FRMD4A: variants seen among roughly 807,000 people sequenced by gnomAD.
FRMD4A encodes FERM domain-containing protein 4A.
FRMD4A carries 29 observed loss-of-function variants against 129.1 expected under a neutral mutation model. That is an observed-to-expected ratio of 0.22 (90% CI 0.17 to 0.31). The LOEUF is 0.31. Among genes scored for constraint, FRMD4A ranks in the 10% least tolerant of loss-of-function variants. FRMD4A has a pLI of 1.00. For missense variants in FRMD4A, 1,272 were observed against 1,375.8 expected, an observed-to-expected ratio of 0.92 and a Z score of 1.19; for synonymous variants, 634 against 571.6, an observed-to-expected ratio of 1.11 and a Z score of -1.56.
At chr10:14,279,877 G>C (rs1471613046) in intron 2 of FRMD4A, among the ~76,000 whole-genome samples, 3 of 152,166 alleles carry the variant, frequency 2.0e-5, no homozygotes, top group African/African-American at 4.8e-5. Flanking sequence ...CAAGCCTATG[G>C]TCATAACCAC....
chr10:13,708,198 T>G (rs1045881744), intron 12 of FRMD4A, among the ~76,000 whole-genome samples: 2 of 152,212 alleles, frequency 1.3e-5, no homozygotes, highest in Non-Finnish European at 2.9e-5. Flanking sequence ...AGTTAAATGC[T>G]TTTCAGGGTC....
At chr10:14,294,361 A>G (rs1845942584) in intron 2 of FRMD4A, among the ~76,000 whole-genome samples, 2 of 152,250 alleles carry the variant, frequency 1.3e-5, no homozygotes, top group African/African-American at 4.8e-5. Context: ...CTAATAAAAA[A>G]GAAACAGGTA....
At chr10:14,301,692 A>G (rs1846191112) in intron 2 of FRMD4A, among the ~76,000 whole-genome samples, 1 of 152,158 alleles carries the variant, frequency 6.6e-6, no homozygotes, top group African/African-American at 2.4e-5. Flanking sequence ...TTCCATATAT[A>G]GTTCTTCTTT....
intron 4 of FRMD4A, among the ~76,000 whole-genome samples, chr10:13,805,529 T>A (rs2093344004): frequency 6.6e-6 from 1 of 152,140 alleles, no homozygotes; most frequent in African/African-American, 2.4e-5. Flanking sequence ...GAGATTCAAA[T>A]TAAAATTTAA....
chr10:14,234,511 G>A (rs2131992894), intron 2 of FRMD4A, among the ~76,000 whole-genome samples: 1 of 152,294 alleles, frequency 6.6e-6, no homozygotes, highest in South Asian at 2.1e-4. Flanking sequence ...GTTACTCTGG[G>A]CTGCCAGATA....
rs12261601 is a variant in FRMD4A, at chr10:13,701,264, C to T, written c.975+76G>A. On this transcript the variant is annotated intron_variant, in intron 14 of 24. Coordinates refer to ENST00000357447, the MANE Select transcript of FRMD4A (RefSeq NM_018027.5). ...CGGGCAAGGGACATGGCGCCTCCCC[C>T]ACCCATCCGATCCTCATTCCTAAAC... 451 of 1,401,890 alleles carry T rather than the reference C, an allele frequency of 3.2e-4. 1 individual carries two copies. In the African/African-American group the frequency reaches 5.9e-3, roughly 18 times the overall value. The allele number at this position is 1,401,890 out of a possible 1,614,324, so 86.8% of individuals were successfully genotyped here.
At chr10:13,852,701 T>G (rs1190473653) in intron 3 of FRMD4A, among the ~76,000 whole-genome samples, 2 of 152,206 alleles carry the variant, frequency 1.3e-5, no homozygotes, top group African/African-American at 4.8e-5. Context: ...TGGTGTGTGA[T>G]TTATACTTGC....
chr10:13,750,567 T>G (rs1449164044), intron 8 of FRMD4A, among the ~76,000 whole-genome samples: 1 of 152,060 alleles, frequency 6.6e-6, no homozygotes, highest in Non-Finnish European at 1.5e-5. Context: ...GGGGAGGCCG[T>G]GCACGAAGAA....
intron 2 of FRMD4A, among the ~76,000 whole-genome samples, chr10:14,066,717 T>A (rs944775009): frequency 6.6e-6 from 1 of 152,000 alleles, no homozygotes; most frequent in African/African-American, 2.4e-5. Context: ...GGATCGACAA[T>A]GGCAATAAAA....
intron 2 of FRMD4A, among the ~76,000 whole-genome samples, chr10:13,927,091 T>A (rs1356964993): frequency 6.6e-6 from 1 of 152,030 alleles, no homozygotes; most frequent in Non-Finnish European, 1.5e-5. Context: ...TCATCTCTAC[T>A]AAAAATACAG....
chr10:13,972,104 A>G, intron 2 of FRMD4A: 1 of 1,103,130 alleles, frequency 9.1e-7, no homozygotes, highest in Non-Finnish European at 1.1e-6. Context: ...CAGTGTGCAG[A>G]TAACGGCACA....
chr10:13,939,509 G>A (rs531316337), intron 2 of FRMD4A, among the ~76,000 whole-genome samples: 1 of 152,290 alleles, frequency 6.6e-6, no homozygotes, highest in Non-Finnish European at 1.5e-5. Context: ...TGGCTCTTTA[G>A]AAACTGCCAC....
rs113478975 is a variant in FRMD4A, at chr10:14,125,722, G to GACAC, written c.45+204332_45+204335dup. Among the ~76,000 whole-genome samples the GACAC allele has an allele frequency of 7.4e-5, 11 of 149,080 alleles. 1 individual carries two copies. Among genetic ancestry groups the GACAC allele is most frequent in the Non-Finnish European group, 7.4e-5 (5 of 67,224 alleles). ...CCAGTCTCTCTCTCTCTCACACACA[G>GACAC]ACACACACACACACACACGTGCACA... is the stretch of plus-strand genomic sequence containing the variant. On this transcript the variant is annotated intron_variant, in intron 2 of 24. Coordinates refer to ENST00000357447, the MANE Select transcript of FRMD4A (RefSeq NM_018027.5).
At chr10:14,230,275 G>T (rs1056954566) in intron 2 of FRMD4A, among the ~76,000 whole-genome samples, 3 of 151,024 alleles carry the variant, frequency 2.0e-5, no homozygotes, top group Non-Finnish European at 3.0e-5. Context: ...AGTTGTTGTT[G>T]TCACTGAAGA....
intron 2 of FRMD4A, among the ~76,000 whole-genome samples, chr10:14,181,205 C>T (rs980320341): frequency 6.6e-6 from 1 of 152,216 alleles, no homozygotes; most frequent in African/African-American, 2.4e-5. Context: ...TCTCTACCTG[C>T]CCCGATGTTT....
At chr10:13,683,339 C>A (rs2084781643) in intron 15 of FRMD4A, among the ~76,000 whole-genome samples, 1 of 151,778 alleles carries the variant, frequency 6.6e-6, no homozygotes, top group African/African-American at 2.4e-5. Context: ...AATGCCAGCA[C>A]TTTGGGAGGC....
In FRMD4A at chr10:14,238,203, C is replaced by A. The variant is rs568669356; in HGVS notation, c.45+91855G>T. Among the ~76,000 whole-genome samples, 7 of 152,308 alleles carry A rather than the reference C, an allele frequency of 4.6e-5. No homozygotes were observed. The South Asian group carries it at 1.5e-3, about 32-fold the overall frequency. ...ACTAAGCACCTTATATGTGGGGTAT[C>A]ATCTCATTCTCATAATAATTCTGCA... On this transcript the variant is annotated intron_variant, in intron 2 of 24. Coordinates refer to ENST00000357447, the MANE Select transcript of FRMD4A (RefSeq NM_018027.5).
At chr10:13,802,994 A>C (rs2093286762) in intron 4 of FRMD4A, among the ~76,000 whole-genome samples, 3 of 152,070 alleles carry the variant, frequency 2.0e-5, no homozygotes, top group Admixed American at 2.0e-4. Context: ...CTAAAAATAC[A>C]AAAAATTAGC....
intron 2 of FRMD4A, among the ~76,000 whole-genome samples, chr10:14,073,262 G>T (rs1202031778): frequency 6.6e-6 from 1 of 152,118 alleles, no homozygotes; most frequent in Admixed American, 6.6e-5. Flanking sequence ...TGGGAGTGAG[G>T]GCGAGTTGGA....
Sources: gnomAD v4.1 joint callset for allele counts (sites outside exome capture counted in the v4.1 genomes callset) on GRCh38, gnomAD v4.1.1 for gene constraint, MANE v1.5 for transcripts, NCBI Gene and HGNC (gene_info 2026-07-23, HGNC 2026-07-21) for gene names.